Variants in CSMD1 observed in about 807,000 individuals in gnomAD.
The protein encoded by CSMD1 is CUB and sushi domain-containing protein 1.
In CSMD1, 213 loss-of-function variants were observed where a neutral mutation model predicts 417.5. The ratio of observed to expected loss-of-function variants is 0.51; its 90% CI spans 0.46 to 0.57. The LOEUF (loss-of-function observed/expected upper bound fraction) is 0.57, where lower values mean the gene tolerates loss of function less well. Ranked by LOEUF, CSMD1 falls within the 20% of genes least tolerant of loss-of-function variation. The probability of loss-of-function intolerance (pLI) is 0.00; values close to 1 mark genes in which losing one functional copy is unlikely to be tolerated. For missense variants in CSMD1, 6,923 were observed against 4,529.7 expected (o/e 1.53, Z -15.17); for synonymous variants, 2,862 against 1,736.8 (o/e 1.65, Z -16.11).
At chr8:4,658,328 A>C (rs1329170223) in intron 1 of CSMD1, among the ~76,000 whole-genome samples, 1 of 152,142 alleles carries the variant, frequency 6.6e-6, no homozygotes, top group Non-Finnish European at 1.5e-5. Context: ...GACAAAAACA[A>C]AGATTGAATT....
At chr8:4,497,881 T>C (rs1321219278) in intron 2 of CSMD1, among the ~76,000 whole-genome samples, 1 of 152,150 alleles carries the variant, frequency 6.6e-6, no homozygotes, top group Non-Finnish European at 1.5e-5. Context: ...TGCTCAGGCA[T>C]CCTGTTGGCG....
At chr8:3,562,231 A>G (rs1315170233) in intron 10 of CSMD1, among the ~76,000 whole-genome samples, 2 of 152,234 alleles carry the variant, frequency 1.3e-5, no homozygotes, top group Non-Finnish European at 2.9e-5. Flanking sequence ...GATTTGTATC[A>G]TACTTGTTAA....
rs543863650 is a variant in CSMD1, at chr8:3,998,215, A to G, written c.611-105T>C. The G allele has an allele frequency of 5.7e-5, 57 of 995,300 alleles. 1 individual carries two copies. The South Asian group carries it at 9.2e-4, about 16-fold the overall frequency. The allele number at this position is 995,300 out of a possible 1,614,324, so 61.7% of individuals were successfully genotyped here. On this transcript the variant is annotated intron_variant, in intron 4 of 69. Coordinates refer to ENST00000635120, the MANE Select transcript of CSMD1 (RefSeq NM_033225.6). The stretch of plus-strand genomic sequence containing the variant: ...TTGATCAGCGACAAATATTTTCTGA[A>G]CCCAAAATTGAGACACTCAATCTGA...
intron 1 of CSMD1, among the ~76,000 whole-genome samples, chr8:4,832,300 G>A (rs986304857): frequency 1.3e-5 from 2 of 152,226 alleles, no homozygotes; most frequent in East Asian, 1.9e-4. Flanking sequence ...AGTCCTTAGC[G>A]CACATGAGGA....
chr8:4,713,263 A>C (rs1808424754), intron 1 of CSMD1, among the ~76,000 whole-genome samples: 1 of 152,254 alleles, frequency 6.6e-6, no homozygotes, highest in Admixed American at 6.5e-5. Context: ...AGGAATGCGG[A>C]GCAGGAGAGT....
chr8:2,951,018 A>T, intron 66 of CSMD1, 96 bp downstream of exon 66: 1 of 1,235,670 alleles, frequency 8.1e-7, no homozygotes, highest in Non-Finnish European at 1.1e-6. Flanking sequence ...CAGAACAGTA[A>T]TAAGTACTTA....
chr8:4,067,479 A>G (rs1449068260), intron 3 of CSMD1, among the ~76,000 whole-genome samples: 1 of 113,568 alleles, frequency 8.8e-6, no homozygotes, highest in East Asian at 2.5e-4. Context: ...CATGAAATAA[A>G]TTACTTTTTT....
intron 3 of CSMD1, among the ~76,000 whole-genome samples, chr8:4,337,769 G>C (rs935549219): frequency 2.0e-5 from 3 of 152,104 alleles, no homozygotes; most frequent in African/African-American, 7.2e-5. Context: ...CATTGGGCTG[G>C]AGTTATTTTA....
intron 3 of CSMD1, among the ~76,000 whole-genome samples, chr8:4,251,233 A>T (rs1803047775): frequency 6.6e-6 from 1 of 152,188 alleles, no homozygotes; most frequent in South Asian, 2.1e-4. Flanking sequence ...CTAACAATAT[A>T]TGTTTCCCTC....
chr8:3,299,268 A>G (rs975088508), intron 25 of CSMD1, among the ~76,000 whole-genome samples: 2 of 152,066 alleles, frequency 1.3e-5, no homozygotes, highest in Non-Finnish European at 2.9e-5. Flanking sequence ...CCTGGCCAAT[A>G]TGGGGAAACC....
intron 7 of CSMD1, among the ~76,000 whole-genome samples, chr8:3,629,042 A>C (rs1754227721): frequency 1.3e-5 from 2 of 152,188 alleles, no homozygotes; most frequent in African/African-American, 2.4e-5. Flanking sequence ...AAGGAATTCC[A>C]AGCCTTGGGG....
chr8:3,897,837 C>T (rs1370323611), intron 5 of CSMD1, among the ~76,000 whole-genome samples: 4 of 152,094 alleles, frequency 2.6e-5, no homozygotes, highest in Non-Finnish European at 5.9e-5. Flanking sequence ...TCTCATTAGC[C>T]TGAGGATATT....
intron 3 of CSMD1, among the ~76,000 whole-genome samples, chr8:4,247,572 C>T (rs773227810): frequency 6.6e-6 from 1 of 152,040 alleles, no homozygotes; most frequent in South Asian, 2.1e-4. Flanking sequence ...CGCATAATAC[C>T]ACCATTCTTG....
intron 20 of CSMD1, 79 bp downstream of exon 20, chr8:3,366,953 C>G (rs1809613646): frequency 9.2e-7 from 1 of 1,087,560 alleles, no homozygotes; most frequent in South Asian, 1.4e-5. Context: ...CACACACACA[C>G]ACACCCACAC....
At chr8:4,851,105 A>C (rs60202776) in intron 1 of CSMD1, among the ~76,000 whole-genome samples, 103,398 of 120,562 alleles carry the variant, frequency 0.86, 44,288 homozygotes, top group East Asian at 1. Flanking sequence ...CCCCCTCCCC[A>C]CACCCCACAA....
intron 3 of CSMD1, among the ~76,000 whole-genome samples, chr8:4,403,499 T>G (rs1445596494): frequency 6.6e-6 from 1 of 152,082 alleles, no homozygotes; most frequent in Non-Finnish European, 1.5e-5. Context: ...CAGTGAAAAA[T>G]CACCTCTCCT....
intron 3 of CSMD1, among the ~76,000 whole-genome samples, chr8:4,168,371 G>C (rs982113858): frequency 2.0e-4 from 31 of 151,746 alleles, no homozygotes; most frequent in African/African-American, 6.8e-4. Context: ...ACTCAGTCTT[G>C]GTGACAGAGT....
rs116122229 is a variant in CSMD1, at chr8:3,676,016, G to A, written c.1009+32398C>T. On this transcript the variant is annotated intron_variant, in intron 7 of 69. Coordinates refer to ENST00000635120, the MANE Select transcript of CSMD1 (RefSeq NM_033225.6). The stretch of plus-strand genomic sequence containing the variant: ...GTAATAGTTTACTGGTTTGGCCTTA[G>A]TATCTTATCATTTATGACAAATATA... 8.1e-3 allele frequency among the ~76,000 whole-genome samples: 1,235 copies of A among 152,252 alleles called. 15 individuals carry two copies. Among genetic ancestry groups the A allele is most frequent in the African/African-American group, 0.028 (1,167 of 41,554 alleles).
At position 4,029,712 on chromosome 8, in the gene CSMD1, G is replaced by A. The variant is rs145075137; in HGVS notation, c.610+2193C>T. The stretch of plus-strand genomic sequence containing the variant: ...CAAAACCAACCATGCCTTCCCAACA[G>A]TCCCCCAAAGTCTTAACTTATTTCA... On this transcript the variant is annotated intron_variant, in intron 4 of 69. Coordinates refer to ENST00000635120, the MANE Select transcript of CSMD1 (RefSeq NM_033225.6). Among the ~76,000 whole-genome samples, 583 of 152,162 alleles carry A rather than the reference G, an allele frequency of 3.8e-3. 3 individuals are homozygous for A. The highest frequency in any genetic ancestry group is 0.014 in the African/African-American group (561 of 41,490).
Sources: allele counts gnomAD v4.1 joint callset (sites outside exome capture counted in the v4.1 genomes callset), GRCh38; gene constraint gnomAD v4.1.1; transcripts MANE v1.5; gene names NCBI Gene and HGNC (gene_info 2026-07-23, HGNC 2026-07-21).